Variants in PPP2R5A observed in about 807,000 individuals in gnomAD.
PPP2R5A encodes serine/threonine-protein phosphatase 2A 56 kDa regulatory subunit alpha isoform.
A neutral mutation model predicts 64.2 loss-of-function variants in PPP2R5A; 25 were observed. The ratio of observed to expected loss-of-function variants is 0.39; its 90% CI spans 0.28 to 0.54. The LOEUF (loss-of-function observed/expected upper bound fraction) is 0.54, where lower values mean the gene tolerates loss of function less well. Ranked by LOEUF, PPP2R5A falls within the 20% of genes least tolerant of loss-of-function variation. The probability of loss-of-function intolerance (pLI) is 0.67; values close to 1 mark genes in which losing one functional copy is unlikely to be tolerated. For missense variants in PPP2R5A, 425 were observed against 576.3 expected, an observed-to-expected ratio of 0.74 and a Z score of 2.69; for synonymous variants, 198 against 201.2, an observed-to-expected ratio of 0.98 and a Z score of 0.13.
At chr1:212,313,973 G>A (rs1659095827) in intron 1 of PPP2R5A, among the ~76,000 whole-genome samples, 1 of 152,032 alleles carries the variant, frequency 6.6e-6, no homozygotes, top group Non-Finnish European at 1.5e-5. Flanking sequence ...AGATTCATTG[G>A]GGGAAAACAT....
At chr1:212,336,894 G>A (rs1307607813) in intron 3 of PPP2R5A, among the ~76,000 whole-genome samples, 1 of 152,120 alleles carries the variant, frequency 6.6e-6, no homozygotes, top group East Asian at 1.9e-4. Context: ...ATTTATTAGG[G>A]TGGAAAATAA....
intron 3 of PPP2R5A, among the ~76,000 whole-genome samples, chr1:212,334,745 A>G (rs10863963): frequency 0.17 from 25,245 of 152,170 alleles, 2,543 homozygotes; most frequent in Middle Eastern, 0.3. Flanking sequence ...TCTGATGACA[A>G]GTTAGCCATT....
intron 3 of PPP2R5A, among the ~76,000 whole-genome samples, chr1:212,334,280 AT>A (rs1659555126): frequency 6.6e-6 from 1 of 151,854 alleles, no homozygotes; most frequent in South Asian, 2.1e-4. Flanking sequence ...TTTATACATT[AT>A]GTTTTTCTTT....
Position 212,286,051 on chromosome 1 carries a change from C to T in PPP2R5A, c.-60C>T. 1 of 1,447,664 alleles carries T rather than the reference C, an allele frequency of 6.9e-7. No homozygotes were observed. Among genetic ancestry groups the T allele is most frequent in the Non-Finnish European group, 9.1e-7 (1 of 1,103,814 alleles). 89.7% of individuals were successfully genotyped at this position (1,447,664 alleles called of 1,614,324 possible). On this transcript the variant is annotated 5_prime_UTR_variant, in exon 1 of 13. Coordinates refer to ENST00000261461, the MANE Select transcript of PPP2R5A (RefSeq NM_006243.4). The stretch of plus-strand genomic sequence containing the variant: ...TCTCCCCCGCCTCCTCCTGCCGTCT[C>T]CGCCGCTGCCCGTGCCTTGCAAGCA...
intron 6 of PPP2R5A, among the ~76,000 whole-genome samples, chr1:212,347,926 C>G (rs1248569784): frequency 6.6e-6 from 1 of 152,110 alleles, no homozygotes; most frequent in African/African-American, 2.4e-5. Context: ...GAATTTTAGA[C>G]CCTTCTGTTA....
Position 212,317,792 on chromosome 1 carries a change from T to A in PPP2R5A, c.182-11343T>A, listed in dbSNP as rs182059158. On this transcript the variant is annotated intron_variant, in intron 1 of 12. Transcript: ENST00000261461. ...CACAAAGTCAGGAGTTCGAGACCAG[T>A]CTGGCCAAGATGGTGAAACCTCGTC... Among the ~76,000 whole-genome samples the A allele has an allele frequency of 1.7e-3, 261 of 151,876 alleles. 1 individual carries two copies. The highest frequency in any genetic ancestry group is 6.1e-3 in the African/African-American group (251 of 41,440).
intron 1 of PPP2R5A, chr1:212,297,678 A>T (rs1467989576): frequency 6.6e-6 from 1 of 152,182 alleles, no homozygotes; most frequent in Non-Finnish European, 1.5e-5. Flanking sequence ...AATTCTTCTG[A>T]TATAAAAATG....
chr1:212,302,113 G>A (rs1658808259), intron 1 of PPP2R5A: 10 of 1,495,744 alleles, frequency 6.7e-6, no homozygotes, highest in Non-Finnish European at 7.2e-6. Flanking sequence ...TAAGATTTCA[G>A]TGTTCTACTT....
intron 3 of PPP2R5A, among the ~76,000 whole-genome samples, chr1:212,335,491 A>G (rs1659578312): frequency 6.6e-6 from 1 of 151,912 alleles, no homozygotes; most frequent in South Asian, 2.1e-4. Flanking sequence ...AAAAAAAAGA[A>G]AAAAGATGAG....
chr1:212,359,859 A>G (rs542028054), intron 12 of PPP2R5A, among the ~76,000 whole-genome samples: 3 of 152,182 alleles, frequency 2.0e-5, no homozygotes, highest in African/African-American at 7.2e-5. Flanking sequence ...GATGACTAGG[A>G]TCATAGGAAA....
chr1:212,358,441 A>C (rs1192280940), intron 11 of PPP2R5A: 3 of 256,842 alleles, frequency 1.2e-5, no homozygotes, highest in Non-Finnish European at 2.2e-5. Flanking sequence ...TATAGTGAAC[A>C]TTTTTAACTA....
intron 3 of PPP2R5A, among the ~76,000 whole-genome samples, chr1:212,335,110 A>G (rs1659570299): frequency 6.6e-6 from 1 of 151,984 alleles, no homozygotes; most frequent in South Asian, 2.1e-4. Context: ...ATTAATGCCA[A>G]TTAATTTGCT....
chr1:212,317,297 A>G (rs1659174069), intron 1 of PPP2R5A, among the ~76,000 whole-genome samples: 1 of 139,288 alleles, frequency 7.2e-6, no homozygotes, highest in African/African-American at 2.7e-5. Flanking sequence ...CAAAATTGCC[A>G]TTTTTAACTG....
chr1:212,300,091 A>C (rs537319340), intron 1 of PPP2R5A, among the ~76,000 whole-genome samples: 22 of 152,294 alleles, frequency 1.4e-4, no homozygotes, highest in African/African-American at 5.3e-4. Context: ...AGGGATTAAC[A>C]GGTGTGAGCC....
chr1:212,312,958 A>G (rs1004738478), intron 1 of PPP2R5A, among the ~76,000 whole-genome samples: 3 of 152,240 alleles, frequency 2.0e-5, no homozygotes, highest in African/African-American at 7.2e-5. Context: ...AGAATAAAAT[A>G]AAAATTATCA....
At chr1:212,338,828 A>T (rs143487580) in intron 3 of PPP2R5A, among the ~76,000 whole-genome samples, 2 of 152,130 alleles carry the variant, frequency 1.3e-5, no homozygotes, top group East Asian at 3.9e-4. Context: ...GAAAAACTTC[A>T]GTCACTACGT....
At chr1:212,346,243 CAT>C (rs1659775406) in intron 5 of PPP2R5A, among the ~76,000 whole-genome samples, 1 of 151,780 alleles carries the variant, frequency 6.6e-6, no homozygotes, top group Admixed American at 6.6e-5. Context: ...ATATATGTAA[CAT>C]AGTATATATG....
At position 212,348,299 on chromosome 1, in the gene PPP2R5A, G is replaced by A. The variant is rs1659818966; in HGVS notation, c.765-90G>A. On this transcript the variant is annotated intron_variant, in intron 6 of 12. Coordinates refer to ENST00000261461, the MANE Select transcript of PPP2R5A (RefSeq NM_006243.4). ...CATACAACACCAGGATTGAAGCATA[G>A]CACTGTTCCTTATGTACTCATGGAT... The A allele has an allele frequency of 3.8e-6, 3 of 797,694 alleles. No homozygotes were observed. The East Asian group carries it at 7.5e-5, about 20-fold the overall frequency. 49.4% of individuals were successfully genotyped at this position (797,694 alleles called of 1,614,324 possible).
In PPP2R5A at chr1:212,286,041, C is replaced by T; in HGVS notation, c.-70C>T. Reference sequence around the variant, plus strand: ...ACCCCGCGCCTCTCCCCCGCCTCCTCCTGCCGTCTCCGCCGCTGCCCGTGC... The same window carrying T: ...ACCCCGCGCCTCTCCCCCGCCTCCTTCTGCCGTCTCCGCCGCTGCCCGTGC... On this transcript the variant is annotated 5_prime_UTR_variant, in exon 1 of 13. Coordinates refer to ENST00000261461, the MANE Select transcript of PPP2R5A (RefSeq NM_006243.4). The T allele has an allele frequency of 7.0e-7, 1 of 1,429,090 alleles. No individual in the cohort carries two copies. Among genetic ancestry groups the T allele is most frequent in the Admixed American group, 2.6e-5 (1 of 37,966 alleles). 88.5% of individuals were successfully genotyped at this position (1,429,090 alleles called of 1,614,324 possible).
Sources: gnomAD v4.1 joint callset for allele counts (sites outside exome capture counted in the v4.1 genomes callset) on GRCh38, gnomAD v4.1.1 for gene constraint, MANE v1.5 for transcripts, NCBI Gene and HGNC (gene_info 2026-07-23, HGNC 2026-07-21) for gene names.